Variants in CDK19 observed in about 807,000 individuals in gnomAD.
The protein encoded by CDK19 is cyclin dependent kinase 19.
In CDK19, 20 loss-of-function variants were observed where a neutral mutation model predicts 68.3. That is an observed-to-expected ratio of 0.29 (90% CI 0.21 to 0.43). CDK19 has a LOEUF of 0.43. Among genes scored for constraint, CDK19 ranks in the 20% least tolerant of loss-of-function variants. The probability of loss-of-function intolerance (pLI) is 1.00; values close to 1 mark genes in which losing one functional copy is unlikely to be tolerated. For missense variants in CDK19, 339 were observed against 623.5 expected, an observed-to-expected ratio of 0.54 and a Z score of 4.86; for synonymous variants, 221 against 222.8, an observed-to-expected ratio of 0.99 and a Z score of 0.07.
chr6:110,800,206 C>G, intron 1 of CDK19, among the ~76,000 whole-genome samples: 1 of 152,092 alleles, frequency 6.6e-6, no homozygotes, highest in Non-Finnish European at 1.5e-5. Flanking sequence ...TGTATTACTT[C>G]CTTTAACATT....
intron 1 of CDK19, among the ~76,000 whole-genome samples, chr6:110,795,501 T>C (rs1482699875): frequency 2.6e-5 from 4 of 152,148 alleles, no homozygotes; most frequent in African/African-American, 9.7e-5. Flanking sequence ...ACTGTCAAAT[T>C]GTGATAAAGA....
intron 2 of CDK19, among the ~76,000 whole-genome samples, chr6:110,696,473 A>G (rs182234931): frequency 6.6e-6 from 1 of 152,336 alleles, no homozygotes; most frequent in Admixed American, 6.5e-5. Flanking sequence ...CTTCTATTCA[A>G]CACAGTATTG....
intron 2 of CDK19, among the ~76,000 whole-genome samples, chr6:110,698,466 T>C (rs1299268652): frequency 6.6e-6 from 1 of 152,150 alleles, no homozygotes; most frequent in Admixed American, 6.5e-5. Context: ...GATACCACCT[T>C]ACTTCTGCAA....
chr6:110,638,138 G>A (rs1331310648), intron 5 of CDK19, among the ~76,000 whole-genome samples: 1 of 152,094 alleles, frequency 6.6e-6, no homozygotes, highest in East Asian at 1.9e-4. Context: ...CAATCTAAGA[G>A]AGGCAGCTAA....
At chr6:110,806,993 TAAATAAAAATAA>T (rs773397028) in intron 1 of CDK19, among the ~76,000 whole-genome samples, 1 of 145,666 alleles carries the variant, frequency 6.9e-6, no homozygotes, top group African/African-American at 2.6e-5. Context: ...ATAAATTAAA[TAAATAAAAATAA>T]AAATAAAAAT....
At chr6:110,656,390 A>G (rs1781309836) in intron 4 of CDK19, among the ~76,000 whole-genome samples, 1 of 152,212 alleles carries the variant, frequency 6.6e-6, no homozygotes, top group African/African-American at 2.4e-5. Context: ...AGGTTCCATA[A>G]TTACATTAGT....
chr6:110,708,426 A>G (rs992027745), intron 2 of CDK19, among the ~76,000 whole-genome samples: 2 of 152,144 alleles, frequency 1.3e-5, no homozygotes, highest in Non-Finnish European at 2.9e-5. Context: ...CCCTCCCCCT[A>G]TAGCTCCACC....
At chr6:110,797,912 G>A (rs1782053255) in intron 1 of CDK19, among the ~76,000 whole-genome samples, 1 of 151,050 alleles carries the variant, frequency 6.6e-6, no homozygotes, top group Non-Finnish European at 1.5e-5. Flanking sequence ...TTGAACCTGG[G>A]AGGCGGAGGC....
At chr6:110,658,307 C>A (rs770472848) in intron 4 of CDK19, among the ~76,000 whole-genome samples, 2 of 152,176 alleles carry the variant, frequency 1.3e-5, no homozygotes, top group East Asian at 3.8e-4. Flanking sequence ...ACAAGATTTG[C>A]AATTGTCCAA....
Position 110,778,291 on chromosome 6 carries a change from T to C in CDK19, c.129-32090A>G, listed in dbSNP as rs563103272. ...TATATTGTCATATAGTTTTTAAAAA[T>C]CATACTACACACTTTTTTAAAAAAG... On this transcript the variant is annotated intron_variant, in intron 1 of 12. Transcript: ENST00000368911. 5.3e-5 allele frequency among the ~76,000 whole-genome samples: 8 copies of C among 152,336 alleles called. No homozygotes were observed. The East Asian group carries it at 1.5e-3, about 29-fold the overall frequency.
intron 12 of CDK19, among the ~76,000 whole-genome samples, chr6:110,616,042 C>T (rs1297778727): frequency 6.6e-6 from 1 of 152,042 alleles, no homozygotes; most frequent in Non-Finnish European, 1.5e-5. Context: ...TAGACCCCTG[C>T]CCACCAAAGT....
At chr6:110,692,937 C>T (rs1260066937) in intron 2 of CDK19, among the ~76,000 whole-genome samples, 4 of 152,098 alleles carry the variant, frequency 2.6e-5, no homozygotes, top group African/African-American at 9.7e-5. Flanking sequence ...AAGGACGTTG[C>T]AATGAGCCAG....
At chr6:110,650,784 T>C (rs1780911327) in intron 4 of CDK19, among the ~76,000 whole-genome samples, 1 of 151,954 alleles carries the variant, frequency 6.6e-6, no homozygotes, top group Non-Finnish European at 1.5e-5. Context: ...GACACAGCAA[T>C]AGTAATTATA....
chr6:110,781,751 G>A (rs1334568889), intron 1 of CDK19, among the ~76,000 whole-genome samples: 2 of 151,948 alleles, frequency 1.3e-5, no homozygotes, highest in African/African-American at 2.4e-5. Flanking sequence ...GGCTGAGGTG[G>A]GAGGATTGCT....
At chr6:110,638,520 A>G (rs1256189491) in intron 5 of CDK19, 129 bp downstream of exon 5, 129 of 630,046 alleles carry the variant, frequency 2.0e-4, no homozygotes, top group Non-Finnish European at 2.8e-5. Context: ...ACATTTTCCA[A>G]TATCTTTTCT....
chr6:110,660,104 C>G, intron 4 of CDK19, among the ~76,000 whole-genome samples: 1 of 152,180 alleles, frequency 6.6e-6, no homozygotes, highest in Non-Finnish European at 1.5e-5. Flanking sequence ...GTAGCTGGGA[C>G]TGCAGGCATG....
At chr6:110,711,674 T>C (rs1308837263) in intron 2 of CDK19, among the ~76,000 whole-genome samples, 6 of 151,716 alleles carry the variant, frequency 4.0e-5, no homozygotes, top group African/African-American at 7.3e-5. Context: ...GAATAGTAAA[T>C]AGATTACAAT....
chr6:110,665,406 CAA>C (rs1310294575), intron 4 of CDK19, among the ~76,000 whole-genome samples: 1 of 151,940 alleles, frequency 6.6e-6, no homozygotes, highest in Non-Finnish European at 1.5e-5. Flanking sequence ...GTGCCATAAC[CAA>C]AAGAGAGGAC....
rs1193696403 is a variant in CDK19, at chr6:110,632,053, G to C, written c.623C>G (p.Ala208Gly). Residue 208 changes from alanine (A) to glycine (G), a missense_variant, in exon 6 of 13, where the codon GCA (alanine) becomes GGA (glycine). Ala to Gly is a moderately conservative substitution (Grantham distance 60, BLOSUM62 0). Around this residue, in one of 4 missense-constraint regions of CDK19, gnomAD observed 63 missense variants for 156.5 expected, o/e 0.40. Coordinates refer to ENST00000368911, the MANE Select transcript of CDK19 (RefSeq NM_015076.5). ...ACCAATGGCCTTTGTATAATGCCTT[G>C]CACCAAGCAAAAGTTCTGGAGCCCG... is the stretch of plus-strand genomic sequence containing the variant. The part of the protein sequence containing the change: ...WYRAPELLLG[A>G]RHYTKAIDIW... 6.2e-7 allele frequency: 1 copy of C among 1,611,254 alleles called. No individual in the cohort carries two copies. The highest frequency in any genetic ancestry group is 8.5e-7 in the Non-Finnish European group (1 of 1,177,658).
Sources: gnomAD v4.1 joint callset for allele counts (sites outside exome capture counted in the v4.1 genomes callset) on GRCh38, gnomAD v4.1.1 for gene constraint, gnomAD v4.1.1 regional missense constraint, MANE v1.5 for transcripts, NCBI Gene and HGNC (gene_info 2026-07-23, HGNC 2026-07-21) for gene names.